Variants in MCC observed in about 807,000 individuals in gnomAD.
The protein encoded by MCC is MCC regulator of Wnt signaling pathway, also known as colorectal mutant cancer protein.
In MCC, 90 loss-of-function variants were observed where a neutral mutation model predicts 116.2. The ratio of observed to expected loss-of-function variants is 0.77; its 90% confidence interval spans 0.65 to 0.92. The LOEUF (loss-of-function observed/expected upper bound fraction) is 0.92, where lower values mean the gene tolerates loss of function less well. Ranked by LOEUF, MCC falls within the 40% of genes least tolerant of loss-of-function variation. MCC has a pLI of 0.00. For synonymous variants in MCC, 578 were observed against 510.5 expected, an observed-to-expected ratio of 1.13 and a Z score of -1.78; for missense variants, 1,516 against 1,312.2, an observed-to-expected ratio of 1.16 and a Z score of -2.40.
At chr5:113,311,597 GA>G (rs1767135509) in intron 3 of MCC, among the ~76,000 whole-genome samples, 2 of 152,208 alleles carry the variant, frequency 1.3e-5, no homozygotes, top group Non-Finnish European at 2.9e-5. Flanking sequence ...ACTTATTGGT[GA>G]ATGTCACTGA....
At chr5:113,221,360 A>T (rs755154736) in intron 3 of MCC, among the ~76,000 whole-genome samples, 8 of 152,218 alleles carry the variant, frequency 5.3e-5, no homozygotes, top group Non-Finnish European at 1.0e-4. Flanking sequence ...GTCTTTGTCC[A>T]TTCCTGGGCA....
intron 6 of MCC, among the ~76,000 whole-genome samples, chr5:113,113,511 C>G (rs1364829340): frequency 6.6e-6 from 1 of 152,104 alleles, no homozygotes; most frequent in Non-Finnish European, 1.5e-5. Flanking sequence ...TTGCCTCTGT[C>G]TACCTAAGAC....
chr5:113,488,343 G>C lies in MCC; in HGVS notation c.72C>G (p.Ser24Arg), dbSNP rs777084386. The change falls in exon 1 of 19, where the codon AGC becomes AGG. Residue 24 changes from serine to arginine, a missense_variant. By Grantham distance (110) the Ser-to-Arg change is moderately radical. Coordinates refer to ENST00000408903, the MANE Select transcript of MCC (RefSeq NM_001085377.2). ...TGGACGTGTCGCTGCTGCTGCTGCT[G>C]CTGCCGCTGCCGCCGCCGCCGCCGC... ...SSGGGGGGSG[S>R]SSSSSDTSST... The C allele has an allele frequency of 1.3e-6, 2 of 1,511,910 alleles. No homozygotes were observed. The highest frequency in any genetic ancestry group is 1.2e-5 in the South Asian group (1 of 80,228). 93.7% of individuals were successfully genotyped at this position (1,511,910 alleles called of 1,614,324 possible). A position where few individuals can be genotyped will look rare whatever the true frequency, so the allele number is the denominator to read the frequency against.
intron 3 of MCC, among the ~76,000 whole-genome samples, chr5:113,321,862 C>T (rs531264959): frequency 3.9e-5 from 6 of 152,192 alleles, no homozygotes; most frequent in African/African-American, 7.2e-5. Context: ...GATGAAGTCT[C>T]GCTGTGTTGC....
intron 3 of MCC, among the ~76,000 whole-genome samples, chr5:113,327,034 T>C (rs780363975): frequency 3.0e-4 from 45 of 152,116 alleles, no homozygotes; most frequent in Non-Finnish European, 5.6e-4. Flanking sequence ...ACATATAATA[T>C]TAGGAGAGAA....
At chr5:113,292,246 A>G (rs1766525788) in intron 3 of MCC, among the ~76,000 whole-genome samples, 1 of 152,146 alleles carries the variant, frequency 6.6e-6, no homozygotes, top group Non-Finnish European at 1.5e-5. Flanking sequence ...AAATAAATAA[A>G]TAAAAATTTA....
chr5:113,356,625 G>A (rs566947468), intron 2 of MCC, among the ~76,000 whole-genome samples: 19 of 152,198 alleles, frequency 1.2e-4, no homozygotes, highest in African/African-American at 3.9e-4. Context: ...TTGCCCTGCT[G>A]GGTACTTGGC....
At chr5:113,220,075 T>TTTTTTTTTG (rs1581268498) in intron 3 of MCC, among the ~76,000 whole-genome samples, 1 of 71,244 alleles carries the variant, frequency 1.4e-5, no homozygotes, top group African/African-American at 2.6e-5. Flanking sequence ...TTTTTTTTTT[T>TTTTTTTTTG]GAGACGGAGT....
At chr5:113,225,105 C>CA (rs1163184879) in intron 3 of MCC, among the ~76,000 whole-genome samples, 8 of 152,228 alleles carry the variant, frequency 5.3e-5, no homozygotes, top group African/African-American at 1.9e-4. Flanking sequence ...GCCTTATATA[C>CA]ATTGCTTTAC....
chr5:113,115,935 T>C (rs1191337534), intron 6 of MCC, among the ~76,000 whole-genome samples: 1 of 152,188 alleles, frequency 6.6e-6, no homozygotes, highest in Admixed American at 6.5e-5. Flanking sequence ...GAAGAAATAG[T>C]TACAAGTATG....
chr5:113,072,708 G>T (rs1480286168), intron 11 of MCC, among the ~76,000 whole-genome samples: 1 of 152,078 alleles, frequency 6.6e-6, no homozygotes, highest in East Asian at 1.9e-4. Flanking sequence ...GCTGTCCCGG[G>T]GTCCCCTCTG....
intron 16 of MCC, chr5:113,044,509 C>A (rs1751940594): frequency 1.0e-6 from 1 of 983,018 alleles, no homozygotes; most frequent in Non-Finnish European, 1.2e-6. Context: ...ATGAGTGCTA[C>A]CAAGCTGCAG....
intron 13 of MCC, among the ~76,000 whole-genome samples, chr5:113,064,599 C>T (rs1305456033): frequency 6.6e-6 from 1 of 152,230 alleles, no homozygotes; most frequent in Non-Finnish European, 1.5e-5. Flanking sequence ...CATCTTTCCA[C>T]ATGTCTACAG....
chr5:113,248,423 T>G (rs619146), intron 3 of MCC, among the ~76,000 whole-genome samples: 1 of 151,884 alleles, frequency 6.6e-6, no homozygotes, highest in East Asian at 1.9e-4. Flanking sequence ...TGTCACTTCA[T>G]TGCCTCAGTA....
intron 3 of MCC, among the ~76,000 whole-genome samples, chr5:113,233,611 C>T (rs1218724963): frequency 1.3e-5 from 2 of 152,174 alleles, no homozygotes; most frequent in African/African-American, 4.8e-5. Context: ...CTAACTGGCA[C>T]ATATGTGACT....
At chr5:113,062,410 A>G (rs527836819) in intron 14 of MCC, among the ~76,000 whole-genome samples, 1 of 152,236 alleles carries the variant, frequency 6.6e-6, no homozygotes, top group Non-Finnish European at 1.5e-5. Flanking sequence ...TCTCTGATTC[A>G]GAATAAAACC....
chr5:113,295,715 G>C (rs1766691589), intron 3 of MCC, among the ~76,000 whole-genome samples: 1 of 152,326 alleles, frequency 6.6e-6, no homozygotes, highest in South Asian at 2.1e-4. Context: ...TCTATTGGGA[G>C]AGAGATGAGA....
At position 113,082,854 on chromosome 5, in the gene MCC, CCT is replaced by C. The variant is rs1343042174; in HGVS notation, c.1784+4_1784+5del. ...CCACAATCAAATCGATACGATCTCT[CCT>C]CACCTATTCAGCCGTTCTGTTTCCA... On this transcript the variant is annotated splice_donor_5th_base_variant and intron_variant, in intron 11 of 18. Transcript: ENST00000408903. 1 of 1,613,518 alleles carries C rather than the reference CCT, an allele frequency of 6.2e-7. No homozygotes were observed. Among genetic ancestry groups the C allele is most frequent in the East Asian group, 2.2e-5 (1 of 44,888 alleles).
chr5:113,173,777 G>T (rs559975494), intron 3 of MCC, among the ~76,000 whole-genome samples: 1 of 152,266 alleles, frequency 6.6e-6, no homozygotes, highest in South Asian at 2.1e-4. Flanking sequence ...AAATCAAAGT[G>T]ACCTAGAACA....
Sources: allele counts gnomAD v4.1 joint callset (sites outside exome capture counted in the v4.1 genomes callset), GRCh38; gene constraint gnomAD v4.1.1; transcripts MANE v1.5; gene names NCBI Gene and HGNC (gene_info 2026-07-23, HGNC 2026-07-21).